The following CDH2 variants were observed in gnomAD, a reference collection of about 807,000 sequenced individuals.
The protein encoded by CDH2 is cadherin-2.
Under a neutral mutation model 92.0 loss-of-function variants are expected in CDH2, and 17 were observed. That is an observed-to-expected ratio of 0.18 (90% CI 0.13 to 0.28). CDH2 has a LOEUF of 0.28. Ranked by LOEUF, CDH2 falls within the 10% of genes least tolerant of loss-of-function variation. The pLI is 1.00. For missense variants in CDH2, 862 were observed against 1,133.1 expected, an observed-to-expected ratio of 0.76 and a Z score of 3.44; for synonymous variants, 419 against 415.9, an observed-to-expected ratio of 1.01 and a Z score of -0.09.
chr18:28,121,754 A>G (rs1018406353), intron 2 of CDH2, among the ~76,000 whole-genome samples: 1 of 152,138 alleles, frequency 6.6e-6, no homozygotes, highest in Non-Finnish European at 1.5e-5. Context: ...GCGATAGATG[A>G]TAAAAGTCTG....
chr18:28,125,820 G>GATCA lies in CDH2; in HGVS notation c.172+21849_172+21852dup, dbSNP rs542223314. The stretch of plus-strand genomic sequence containing the variant: ...TCTCAGGTTTCATTTACAATCCAGA[G>GATCA]ATCAGTACTCCTGATTACAAAATGC... On this transcript the variant is annotated intron_variant, in intron 2 of 15. Coordinates refer to ENST00000269141, the MANE Select transcript of CDH2 (RefSeq NM_001792.5). Among the ~76,000 whole-genome samples, 423 of 152,090 alleles carry GATCA rather than the reference G, an allele frequency of 2.8e-3. 2 individuals are homozygous for GATCA. Among genetic ancestry groups the GATCA allele is most frequent in the Non-Finnish European group, 4.9e-3 (336 of 67,984 alleles).
chr18:27,957,016 C>G (rs2011263329), intron 15 of CDH2, among the ~76,000 whole-genome samples: 1 of 152,068 alleles, frequency 6.6e-6, no homozygotes, highest in Non-Finnish European at 1.5e-5. Flanking sequence ...TTATGCACCC[C>G]CAAAGGGAAT....
At chr18:27,941,280 C>G (rs1252053107) in intron 6 of CDH2, among the ~76,000 whole-genome samples, 1 of 152,068 alleles carries the variant, frequency 6.6e-6, no homozygotes, top group Non-Finnish European at 1.5e-5. Flanking sequence ...CGTGATCCGC[C>G]CGTCTCGGCC....
intron 11 of CDH2, 123 bp from the exon 12 acceptor site, chr18:27,985,884 T>A: frequency 1.6e-6 from 1 of 627,370 alleles, no homozygotes; most frequent in East Asian, 2.8e-5. Context: ...TGGAAAAACA[T>A]AGTTGCTATG....
intron 6 of CDH2, among the ~76,000 whole-genome samples, chr18:27,935,089 T>C (rs75906365): frequency 2.5e-4 from 38 of 152,240 alleles, no homozygotes; most frequent in African/African-American, 6.7e-4. Context: ...GAATGTTCCT[T>C]TTTTCCCCCT....
chr18:28,030,498 C>T (rs2013666371), intron 2 of CDH2, among the ~76,000 whole-genome samples: 1 of 151,908 alleles, frequency 6.6e-6, no homozygotes, highest in Admixed American at 6.6e-5. Context: ...TAAAAACAAA[C>T]AAACAACAAC....
At chr18:28,166,470 C>T (rs991621660) in intron 1 of CDH2, among the ~76,000 whole-genome samples, 3 of 151,796 alleles carry the variant, frequency 2.0e-5, no homozygotes, top group Admixed American at 2.0e-4. Flanking sequence ...AATTCTAAAT[C>T]AATTTGTAAA....
At chr18:28,090,002 T>A (rs2015006580) in intron 2 of CDH2, among the ~76,000 whole-genome samples, 1 of 152,230 alleles carries the variant, frequency 6.6e-6, no homozygotes, top group Non-Finnish European at 1.5e-5. Context: ...GTTTCACTGA[T>A]GAGAAACTAA....
intron 1 of CDH2, among the ~76,000 whole-genome samples, chr18:28,151,149 G>A (rs1468972353): frequency 6.6e-6 from 1 of 152,228 alleles, no homozygotes; most frequent in Non-Finnish European, 1.5e-5. Context: ...CCTTAGGGGG[G>A]CTGACTGCAC....
intron 2 of CDH2, among the ~76,000 whole-genome samples, chr18:28,018,034 C>T (rs1567966072): frequency 6.6e-6 from 1 of 151,936 alleles, no homozygotes; most frequent in African/African-American, 2.4e-5. Context: ...CCAAAAGCTC[C>T]TAGAACTAGT....
At chr18:28,020,352 A>G (rs746455609) in intron 2 of CDH2, among the ~76,000 whole-genome samples, 2 of 152,024 alleles carry the variant, frequency 1.3e-5, no homozygotes, top group Non-Finnish European at 2.9e-5. Context: ...AAAAGACTTT[A>G]AGGCTTAAAA....
intron 2 of CDH2, among the ~76,000 whole-genome samples, chr18:28,127,102 G>A (rs2015690159): frequency 6.6e-6 from 1 of 152,150 alleles, no homozygotes; most frequent in African/African-American, 2.4e-5. Flanking sequence ...GCTACCTGCT[G>A]TGTATAAAGA....
chr18:28,107,232 T>C (rs1336114498), intron 2 of CDH2, among the ~76,000 whole-genome samples: 1 of 151,736 alleles, frequency 6.6e-6, no homozygotes, highest in Non-Finnish European at 1.5e-5. Flanking sequence ...TATATTATTG[T>C]TATGTAAAGA....
rs983208994 is a variant in CDH2 at position 27,984,920 on chromosome 18, A to T, written c.2209+80T>A. ...CAAAGGGTTGTTAGACTACTTTGCCAGGCAATAGCAACACATGACTTTGCT... is the reference window on the plus strand; with the variant it reads ...CAAAGGGTTGTTAGACTACTTTGCCTGGCAATAGCAACACATGACTTTGCT... On this transcript the variant is annotated intron_variant, in intron 13 of 15. Transcript: ENST00000269141. The T allele has an allele frequency of 1.8e-4, 194 of 1,085,792 alleles. 3 individuals carry two copies. In the South Asian group the frequency reaches 2.5e-3, roughly 14 times the overall value. 67.3% of individuals were successfully genotyped at this position (1,085,792 alleles called of 1,614,324 possible).
chr18:28,076,097 T>C (rs937482644), intron 2 of CDH2, among the ~76,000 whole-genome samples: 8 of 152,182 alleles, frequency 5.3e-5, no homozygotes, highest in Admixed American at 1.3e-4. Flanking sequence ...GTACCTTTCA[T>C]AGACTCACAA....
intron 1 of CDH2, among the ~76,000 whole-genome samples, chr18:28,166,658 T>C (rs191782031): frequency 7.2e-5 from 11 of 152,234 alleles, no homozygotes; most frequent in African/African-American, 2.4e-4. Flanking sequence ...TATCTATCAA[T>C]AAGCTAAGGC....
intron 2 of CDH2, among the ~76,000 whole-genome samples, chr18:28,116,998 T>A (rs930360539): frequency 6.6e-6 from 1 of 152,126 alleles, no homozygotes; most frequent in South Asian, 2.1e-4. Context: ...GTGCCCACGA[T>A]CTGATTTTTG....
At chr18:28,092,545 A>AG (rs1349575887) in intron 2 of CDH2, among the ~76,000 whole-genome samples, 1 of 151,912 alleles carries the variant, frequency 6.6e-6, no homozygotes, top group East Asian at 1.9e-4. Flanking sequence ...ATTAGAAGAG[A>AG]GAAAAAAAAA....
At chr18:28,149,396 CA>C (rs1267068697) in intron 1 of CDH2, among the ~76,000 whole-genome samples, 2 of 151,994 alleles carry the variant, frequency 1.3e-5, no homozygotes, top group African/African-American at 4.8e-5. Flanking sequence ...CAAACTAAAA[CA>C]AAACAAAAAG....
Sources: gnomAD v4.1 joint callset for allele counts (sites outside exome capture counted in the v4.1 genomes callset) on GRCh38, gnomAD v4.1.1 for gene constraint, MANE v1.5 for transcripts, NCBI Gene and HGNC (gene_info 2026-07-23, HGNC 2026-07-21) for gene names.